SGCD: variants seen among roughly 807,000 people sequenced by gnomAD.
SGCD encodes the protein delta-sarcoglycan.
In SGCD, 18 loss-of-function variants were observed where a neutral mutation model predicts 36.6. The ratio of observed to expected loss-of-function variants is 0.49; its 90% CI spans 0.34 to 0.73. The LOEUF (loss-of-function observed/expected upper bound fraction) is 0.73. Among genes scored for constraint, SGCD ranks in the 30% least tolerant of loss-of-function variants. The pLI, the probability that SGCD is intolerant of heterozygous loss-of-function variation, is 0.01. For synonymous variants in SGCD, 133 were observed against 130.6 expected (o/e 1.02, Z -0.12); for missense variants, 387 against 346.7 (o/e 1.12, Z -0.92).
intron 3 of SGCD, among the ~76,000 whole-genome samples, chr5:156,307,555 G>GTTTT (rs59481792): frequency 1.9e-4 from 8 of 41,154 alleles, no homozygotes; most frequent in Non-Finnish European, 3.9e-4. Context: ...TTTAACTGTT[G>GTTTT]TTTTTTTTTT....
chr5:156,711,392 C>T (rs1400258994), intron 7 of SGCD, among the ~76,000 whole-genome samples: 1 of 152,140 alleles, frequency 6.6e-6, no homozygotes, highest in African/African-American at 2.4e-5. Flanking sequence ...AAATGTATCT[C>T]TCAATATATT....
At chr5:155,994,135 T>C (rs985704028) in intron 1 of SGCD, among the ~76,000 whole-genome samples, 1 of 152,186 alleles carries the variant, frequency 6.6e-6, no homozygotes, top group Non-Finnish European at 1.5e-5. Context: ...ACTAGAGGCA[T>C]GCCACAGACA....
intron 3 of SGCD, among the ~76,000 whole-genome samples, chr5:156,211,679 C>G (rs572913968): frequency 1.8e-4 from 27 of 150,888 alleles, no homozygotes; most frequent in Middle Eastern, 7.0e-3. Context: ...AGTATAAAAC[C>G]CACTAGTAAA....
intron 1 of SGCD, among the ~76,000 whole-genome samples, chr5:155,874,420 AAAGG>A (rs1408863738): frequency 1.3e-5 from 2 of 152,156 alleles, no homozygotes; most frequent in African/African-American, 4.8e-5. Flanking sequence ...ACAAAAGTAT[AAAGG>A]AAGAAGTCAT....
At chr5:155,922,983 T>C (rs1756919442) in intron 1 of SGCD, among the ~76,000 whole-genome samples, 1 of 152,170 alleles carries the variant, frequency 6.6e-6, no homozygotes, top group Non-Finnish European at 1.5e-5. Context: ...CCTATTAGCA[T>C]AACCATACAG....
chr5:156,733,611 C>G (rs1756193354), intron 7 of SGCD, among the ~76,000 whole-genome samples: 1 of 152,010 alleles, frequency 6.6e-6, no homozygotes, highest in African/African-American at 2.4e-5. Flanking sequence ...TTAAAGTCTC[C>G]CACTAATATA....
At chr5:156,233,090 C>A (rs1765062527) in intron 3 of SGCD, among the ~76,000 whole-genome samples, 1 of 152,138 alleles carries the variant, frequency 6.6e-6, no homozygotes, top group Admixed American at 6.5e-5. Context: ...GGAAAGCTTG[C>A]TAAATTGTAA....
chr5:155,939,144 G>A (rs542614400), intron 1 of SGCD, among the ~76,000 whole-genome samples: 2 of 152,236 alleles, frequency 1.3e-5, no homozygotes, highest in African/African-American at 4.8e-5. Flanking sequence ...CTATAAGCAT[G>A]GCAACTATAA....
intron 7 of SGCD, among the ~76,000 whole-genome samples, chr5:156,756,546 A>G (rs1757342019): frequency 6.6e-6 from 1 of 152,164 alleles, no homozygotes; most frequent in African/African-American, 2.4e-5. Context: ...TTTCTAAGAA[A>G]AAGAAAAATA....
chr5:156,090,987 T>A (rs1761227702), intron 1 of SGCD, among the ~76,000 whole-genome samples: 1 of 152,236 alleles, frequency 6.6e-6, no homozygotes. Flanking sequence ...TCTGTTCTTT[T>A]TCAGGGTGCC....
intron 3 of SGCD, among the ~76,000 whole-genome samples, chr5:156,376,283 G>A (rs575831771): frequency 6.6e-6 from 1 of 152,292 alleles, no homozygotes; most frequent in Non-Finnish European, 1.5e-5. Flanking sequence ...ACAAAGAATT[G>A]TAGGGGAAAT....
At chr5:156,433,391 A>C (rs1030002913) in intron 3 of SGCD, among the ~76,000 whole-genome samples, 28 of 152,174 alleles carry the variant, frequency 1.8e-4, no homozygotes, top group African/African-American at 6.8e-4. Context: ...ACGGTGATCC[A>C]GAGTAAACTG....
intron 1 of SGCD, among the ~76,000 whole-genome samples, chr5:156,044,157 T>C (rs1360837936): frequency 6.6e-6 from 1 of 152,144 alleles, no homozygotes; most frequent in Non-Finnish European, 1.5e-5. Flanking sequence ...GAGTAAGGTC[T>C]TTAAGAAGAG....
intron 1 of SGCD, among the ~76,000 whole-genome samples, chr5:155,922,729 C>G (rs112506697): frequency 5.9e-5 from 9 of 152,106 alleles, no homozygotes; most frequent in African/African-American, 1.7e-4. Flanking sequence ...TCCTCTCCCC[C>G]ACTAGTGCAT....
At chr5:156,711,322 A>G (rs1043400641) in intron 7 of SGCD, among the ~76,000 whole-genome samples, 1 of 152,224 alleles carries the variant, frequency 6.6e-6, no homozygotes, top group African/African-American at 2.4e-5. Context: ...TTTAGTAAAC[A>G]TTGTGTGTCC....
intron 4 of SGCD, among the ~76,000 whole-genome samples, chr5:156,572,227 T>C (rs1256240958): frequency 6.6e-6 from 1 of 152,236 alleles, no homozygotes; most frequent in Non-Finnish European, 1.5e-5. Context: ...AAGTTTTTGT[T>C]TGAATATCTG....
intron 3 of SGCD, among the ~76,000 whole-genome samples, chr5:156,302,024 T>G (rs1767066666): frequency 6.6e-6 from 1 of 152,130 alleles, no homozygotes; most frequent in Non-Finnish European, 1.5e-5. Flanking sequence ...TTCTATAAGC[T>G]TCTTGTACTT....
intron 3 of SGCD, among the ~76,000 whole-genome samples, chr5:156,193,608 T>A (rs919680428): frequency 6.6e-6 from 1 of 152,140 alleles, no homozygotes; most frequent in Non-Finnish European, 1.5e-5. Flanking sequence ...ATGAACAGTG[T>A]GAGGCCTAGC....
chr5:156,248,133 CAGAG>C (rs372844109), intron 3 of SGCD, among the ~76,000 whole-genome samples: 4 of 151,454 alleles, frequency 2.6e-5, no homozygotes, highest in Non-Finnish European at 5.9e-5. Flanking sequence ...GTGTGTGTGA[CAGAG>C]AGAGAGAGAA....
Sources: gnomAD v4.1 joint callset for allele counts (sites outside exome capture counted in the v4.1 genomes callset) on GRCh38, gnomAD v4.1.1 for gene constraint, MANE v1.5 for transcripts, NCBI Gene and HGNC (gene_info 2026-07-23, HGNC 2026-07-21) for gene names.